Variants in CAMTA1 observed in about 807,000 individuals in gnomAD.
CAMTA1 encodes calmodulin binding transcription activator 1.
CAMTA1 carries 27 observed loss-of-function variants against 170.9 expected under a neutral mutation model. The ratio of observed to expected loss-of-function variants is 0.16; its 90% confidence interval spans 0.12 to 0.22. The LOEUF (loss-of-function observed/expected upper bound fraction) is 0.22, where lower values mean the gene tolerates loss of function less well. Ranked by LOEUF, CAMTA1 falls within the 10% of genes least tolerant of loss-of-function variation. CAMTA1 has a pLI of 1.00. For missense variants in CAMTA1, 1,619 were observed against 2,217.2 expected (o/e 0.73, Z 5.42); for synonymous variants, 833 against 891.5 (o/e 0.93, Z 1.17).
At chr1:7,355,822 C>A (rs1427321696) in intron 5 of CAMTA1, among the ~76,000 whole-genome samples, 2 of 102,286 alleles carry the variant, frequency 2.0e-5, no homozygotes, top group African/African-American at 4.0e-5. Flanking sequence ...TCACAGGCCA[C>A]CTTGCTGGTT....
chr1:7,122,879 C>G (rs1010747401), intron 4 of CAMTA1, among the ~76,000 whole-genome samples: 31 of 152,212 alleles, frequency 2.0e-4, no homozygotes, highest in African/African-American at 7.2e-4. Flanking sequence ...CACAGTGGCC[C>G]TCACTGGTCT....
Position 7,452,762 on chromosome 1 carries a change from T to TC in CAMTA1, c.439-15066dup, listed in dbSNP as rs1379207783. On this transcript the variant is annotated intron_variant, in intron 5 of 22. Transcript: ENST00000303635. ...GGCGAGCCCACATTTGCTTACCTCT[T>TC]CCTCTGCCGATGGGCATGTAGGCTG... 3.9e-5 allele frequency among the ~76,000 whole-genome samples: 6 copies of TC among 152,232 alleles called. No individual in the cohort carries two copies. In the East Asian group the frequency reaches 5.8e-4, roughly 15 times the overall value.
intron 11 of CAMTA1, chr1:7,693,296 G>A (rs1275576565): frequency 6.6e-6 from 1 of 152,232 alleles, no homozygotes; most frequent in Non-Finnish European, 1.5e-5. Context: ...CAGATCTCGT[G>A]AGATGTATTC....
At chr1:7,057,240 G>C (rs1225993187) in intron 3 of CAMTA1, among the ~76,000 whole-genome samples, 1 of 152,210 alleles carries the variant, frequency 6.6e-6, no homozygotes, top group East Asian at 1.9e-4. Context: ...GGGTTTCTCA[G>C]CTTGGAGACA....
chr1:6,825,355 C>T, intron 3 of CAMTA1, 145 bp downstream of exon 3: 1 of 549,412 alleles, frequency 1.8e-6, no homozygotes, highest in East Asian at 3.0e-5. Flanking sequence ...CTGGATTTGA[C>T]AGAAACCAAC....
At chr1:6,906,132 C>G (rs555214683) in intron 3 of CAMTA1, among the ~76,000 whole-genome samples, 42 of 152,178 alleles carry the variant, frequency 2.8e-4, no homozygotes, top group African/African-American at 1.0e-3. Flanking sequence ...TGGAAGCTTT[C>G]CAGTGGGTGA....
intron 1 of CAMTA1, among the ~76,000 whole-genome samples, chr1:6,808,956 T>C (rs1412354296): frequency 1.3e-5 from 2 of 151,912 alleles, no homozygotes; most frequent in Admixed American, 1.3e-4. Context: ...CAGACTGAGA[T>C]AGGGAAGACA....
At chr1:7,324,307 T>A (rs1678938988) in intron 5 of CAMTA1, among the ~76,000 whole-genome samples, 1 of 152,234 alleles carries the variant, frequency 6.6e-6, no homozygotes, top group Non-Finnish European at 1.5e-5. Context: ...TAGTATTTGA[T>A]CTCTCTCTTT....
intron 6 of CAMTA1, among the ~76,000 whole-genome samples, chr1:7,553,213 AAGTGAGTGAATG>A (rs1557904702): frequency 1.0e-4 from 15 of 148,290 alleles, no homozygotes; most frequent in Non-Finnish European, 2.1e-4. Context: ...ATGAGTGAAT[AAGTGAGTGAATG>A]AATGAGGGAA....
intron 6 of CAMTA1, among the ~76,000 whole-genome samples, chr1:7,522,395 G>C (rs920408604): frequency 6.6e-6 from 1 of 152,108 alleles, no homozygotes; most frequent in Non-Finnish European, 1.5e-5. Context: ...CTCAGTACGA[G>C]TCCTTTGCTG....
At chr1:7,365,043 A>G (rs2085858436) in intron 5 of CAMTA1, among the ~76,000 whole-genome samples, 1 of 152,248 alleles carries the variant, frequency 6.6e-6, no homozygotes, top group East Asian at 1.9e-4. Context: ...AACACCTCCC[A>G]TGACCTTCCC....
intron 6 of CAMTA1, among the ~76,000 whole-genome samples, chr1:7,557,287 G>A (rs1019438687): frequency 8.0e-5 from 12 of 150,384 alleles, no homozygotes; most frequent in Middle Eastern, 3.4e-3. Flanking sequence ...CAGCCTGGGC[G>A]ACAGAACAAG....
chr1:6,979,076 AGTT>A (rs965950620), intron 3 of CAMTA1, among the ~76,000 whole-genome samples: 30 of 152,056 alleles, frequency 2.0e-4, no homozygotes, highest in African/African-American at 6.0e-4. Flanking sequence ...CCCCTTAGTG[AGTT>A]GTTGGTGTGG....
In CAMTA1 at chr1:6,978,495, G is replaced by A. The variant is rs191902970; in HGVS notation, c.235-112809G>A. Among the ~76,000 whole-genome samples, 727 of 152,170 alleles carry A rather than the reference G, an allele frequency of 4.8e-3. 5 individuals carry two copies. The highest frequency in any genetic ancestry group is 0.017 in the African/African-American group (692 of 41,516). On this transcript the variant is annotated intron_variant, in intron 3 of 22. Transcript: ENST00000303635. ...TTAAAAATGCAAAAATTAGCTGGGCGTGGTGGCAGGTGCCTATAATCCCAG... is the reference window on the plus strand; with the variant it reads ...TTAAAAATGCAAAAATTAGCTGGGCATGGTGGCAGGTGCCTATAATCCCAG...
intron 11 of CAMTA1, among the ~76,000 whole-genome samples, chr1:7,722,155 T>A (rs1289204653): frequency 6.6e-6 from 1 of 152,158 alleles, no homozygotes; most frequent in East Asian, 1.9e-4. Flanking sequence ...CACTCGGGAT[T>A]CTCCACTTTT....
At chr1:7,698,314 T>G (rs539445951) in intron 11 of CAMTA1, 2 of 152,314 alleles carry the variant, frequency 1.3e-5, no homozygotes, top group South Asian at 4.1e-4. Flanking sequence ...TTCATAATGT[T>G]TTAAGAAGGT....
intron 3 of CAMTA1, among the ~76,000 whole-genome samples, chr1:7,040,160 ATT>A (rs35270229): frequency 8.6e-5 from 12 of 139,580 alleles, no homozygotes; most frequent in African/African-American, 8.0e-5. Flanking sequence ...GCTAACTGTG[ATT>A]TTTTTTTTTT....
intron 3 of CAMTA1, among the ~76,000 whole-genome samples, chr1:7,035,206 A>T (rs984924600): frequency 2.0e-5 from 3 of 152,044 alleles, no homozygotes; most frequent in African/African-American, 7.2e-5. Context: ...GTTTGAGACC[A>T]CCTCATCAAC....
At chr1:7,389,229 A>G (rs1053196410) in intron 5 of CAMTA1, 4 of 152,154 alleles carry the variant, frequency 2.6e-5, no homozygotes, top group African/African-American at 9.7e-5. Flanking sequence ...ATCCCTCCTA[A>G]CCCTACCCCT....
Sources: gnomAD v4.1 joint callset for allele counts (sites outside exome capture counted in the v4.1 genomes callset) on GRCh38, gnomAD v4.1.1 for gene constraint, MANE v1.5 for transcripts, NCBI Gene and HGNC (gene_info 2026-07-23, HGNC 2026-07-21) for gene names.